The following CUX1 variants were observed in gnomAD, a reference collection of about 807,000 sequenced individuals.
The protein encoded by CUX1 is cut like homeobox 1.
CUX1 carries 31 observed loss-of-function variants against 158.8 expected under a neutral mutation model. The observed-to-expected ratio is 0.20, with a 90% CI of 0.15 to 0.26. The LOEUF is 0.26. CUX1 is among the 10% of genes least tolerant of loss of function. The pLI is 1.00. For missense variants in CUX1, 1,589 were observed against 2,014.6 expected, an observed-to-expected ratio of 0.79 and a Z score of 4.04; for synonymous variants, 879 against 862.1, an observed-to-expected ratio of 1.02 and a Z score of -0.34.
intron 20 of CUX1, among the ~76,000 whole-genome samples, chr7:102,219,055 AACACACACACAC>A (rs3138788): frequency 2.1e-4 from 27 of 126,356 alleles, no homozygotes; most frequent in African/African-American, 6.3e-4. Flanking sequence ...CCTGCCTCAA[AACACACACACAC>A]ACACACACAC....
chr7:101,986,282 A>C (rs1814286790), intron 2 of CUX1, among the ~76,000 whole-genome samples: 1 of 152,238 alleles, frequency 6.6e-6, no homozygotes, highest in African/African-American at 2.4e-5. Context: ...TGTCTCCCCT[A>C]AGAGGAGTGT....
intron 13 of CUX1, among the ~76,000 whole-genome samples, chr7:102,194,374 G>A (rs1794577499): frequency 6.6e-6 from 1 of 151,826 alleles, no homozygotes; most frequent in Non-Finnish European, 1.5e-5. Flanking sequence ...CAAGACAGGA[G>A]GATCGCTTTG....
chr7:101,822,892 G>A (rs1465537441), intron 1 of CUX1, among the ~76,000 whole-genome samples: 5 of 148,536 alleles, frequency 3.4e-5, no homozygotes, highest in African/African-American at 1.2e-4. Context: ...GTGACAGAGC[G>A]AGACTCTGTC....
At chr7:102,038,029 G>A (rs1401759014) in intron 3 of CUX1, among the ~76,000 whole-genome samples, 6 of 138,772 alleles carry the variant, frequency 4.3e-5, no homozygotes, top group African/African-American at 1.1e-4. Context: ...CAGCCTGGGC[G>A]ACAGAGTGAG....
At chr7:101,838,751 C>T (rs1226847061) in intron 1 of CUX1, among the ~76,000 whole-genome samples, 1 of 151,706 alleles carries the variant, frequency 6.6e-6, no homozygotes, top group Non-Finnish European at 1.5e-5. Flanking sequence ...TGCAGTGAGC[C>T]GAGATTGTGC....
chr7:102,173,906 A>T (rs940923204), intron 10 of CUX1, among the ~76,000 whole-genome samples: 6 of 151,898 alleles, frequency 4.0e-5, no homozygotes, highest in African/African-American at 1.5e-4. Context: ...CCAGTTGGGG[A>T]GCAAACATAG....
rs1563091746 is a variant in CUX1, at chr7:101,984,095, TA to T, written c.142-44002del. Among the ~76,000 whole-genome samples, 59 of 22,120 alleles carry T rather than the reference TA, an allele frequency of 2.7e-3. 4 individuals carry two copies. The South Asian group carries it at 0.086, about 32-fold the overall frequency. The allele number at this position is 22,120 out of a possible 152,430, so 14.5% of individuals were successfully genotyped here. On this transcript the variant is annotated intron_variant, in intron 2 of 23. Coordinates refer to ENST00000292535, the MANE Select transcript of CUX1 (RefSeq NM_181552.4). The stretch of plus-strand genomic sequence containing the variant: ...CCCCCCCCAAAAAAAAAAAAATATA[TA>T]TATATATATATATATATATATATAT...
chr7:102,148,372 C>T (rs1210366509), intron 8 of CUX1, among the ~76,000 whole-genome samples: 2 of 152,058 alleles, frequency 1.3e-5, no homozygotes, highest in Non-Finnish European at 2.9e-5. Context: ...AACCCCGTCT[C>T]TACTAAAAAT....
intron 4 of CUX1, among the ~76,000 whole-genome samples, chr7:102,096,827 G>C (rs565270937): frequency 1.3e-5 from 2 of 152,340 alleles, no homozygotes; most frequent in African/African-American, 4.8e-5. Context: ...CTGGGCTTTA[G>C]TTTCTGAGGC....
At chr7:101,824,988 A>G (rs1793096542) in intron 1 of CUX1, among the ~76,000 whole-genome samples, 1 of 152,190 alleles carries the variant, frequency 6.6e-6, no homozygotes, top group African/African-American at 2.4e-5. Flanking sequence ...GTTTTTCACC[A>G]AGTAGTTGAC....
At chr7:102,075,294 G>A (rs138610646) in intron 4 of CUX1, among the ~76,000 whole-genome samples, 180 of 152,258 alleles carry the variant, frequency 1.2e-3, no homozygotes, top group Middle Eastern at 6.8e-3. Flanking sequence ...CTTACAGGGC[G>A]GCCAGACTCT....
intron 4 of CUX1, among the ~76,000 whole-genome samples, chr7:102,078,564 A>G (rs977943286): frequency 6.6e-6 from 1 of 152,168 alleles, no homozygotes; most frequent in East Asian, 1.9e-4. Flanking sequence ...TACAGACACA[A>G]ACCCTTCAAA....
intron 18 of CUX1, among the ~76,000 whole-genome samples, chr7:102,202,658 G>A (rs1401614128): frequency 1.3e-5 from 2 of 152,304 alleles, no homozygotes; most frequent in South Asian, 2.1e-4. Context: ...CCACCAGTAC[G>A]CAGAGAGCCA....
chr7:101,856,887 C>T (rs1011757544), intron 1 of CUX1, among the ~76,000 whole-genome samples: 7 of 152,244 alleles, frequency 4.6e-5, no homozygotes, highest in African/African-American at 1.7e-4. Context: ...TCTCCCACGC[C>T]TGCCAGCCGT....
intron 4 of CUX1, among the ~76,000 whole-genome samples, chr7:102,084,042 C>G (rs868943215): frequency 1.4e-5 from 2 of 145,718 alleles, no homozygotes; most frequent in Non-Finnish European, 3.1e-5. Flanking sequence ...CCTGCCACCA[C>G]ACCCAGCTAA....
chr7:101,950,409 GTTT>G (rs751715150), intron 2 of CUX1, among the ~76,000 whole-genome samples: 1 of 151,484 alleles, frequency 6.6e-6, no homozygotes, highest in Non-Finnish European at 1.5e-5. Context: ...ATAGTTTGTT[GTTT>G]TTTTAAAAAA....
Position 102,204,539 on chromosome 7 carries a change from G to A in CUX1, c.3056G>A (p.Gly1019Asp), listed in dbSNP as rs1420362324. Reference sequence around the variant, plus strand: ...GGCCAGGGTGTTCTACCCGTCCAGGGCCAGCAGCAAGGGCCAGGTAATGGG... The same window carrying A: ...GGCCAGGGTGTTCTACCCGTCCAGGACCAGCAGCAAGGGCCAGGTAATGGG... ...ELGQGVLPVQ[G>D]QQQGPVLHSV... The change falls in exon 19 of 24, where the codon GGC becomes GAC. Residue 1019 changes from glycine (G) to aspartate (D), a missense_variant. Gly to Asp is a moderately conservative substitution (Grantham distance 94, BLOSUM62 -1). Transcript: ENST00000292535. 1 of 1,613,376 alleles carries A rather than the reference G, an allele frequency of 6.2e-7. No homozygotes were observed. Among genetic ancestry groups the A allele is most frequent in the Admixed American group, 1.7e-5 (1 of 60,014 alleles).
intron 12 of CUX1, among the ~76,000 whole-genome samples, chr7:102,192,741 C>A (rs143054131): frequency 2.6e-5 from 4 of 152,282 alleles, no homozygotes; most frequent in Non-Finnish European, 5.9e-5. Flanking sequence ...TCTGCACCTG[C>A]GAGTCGTAAA....
chr7:101,880,184 T>C (rs1163327475), intron 1 of CUX1, among the ~76,000 whole-genome samples: 1 of 152,046 alleles, frequency 6.6e-6, no homozygotes, highest in Non-Finnish European at 1.5e-5. Flanking sequence ...GAAAGGAACA[T>C]TGAAAAAACA....
Sources: gnomAD v4.1 joint callset for allele counts (sites outside exome capture counted in the v4.1 genomes callset) on GRCh38, gnomAD v4.1.1 for gene constraint, MANE v1.5 for transcripts, NCBI Gene and HGNC (gene_info 2026-07-23, HGNC 2026-07-21) for gene names.